Variants in SLC2A12 observed in about 807,000 individuals in gnomAD.
SLC2A12 encodes solute carrier family 2, facilitated glucose transporter member 12.
A neutral mutation model predicts 41.8 loss-of-function variants in SLC2A12; 23 were observed. The ratio of observed to expected loss-of-function variants is 0.55; its 90% CI spans 0.40 to 0.78. The LOEUF (loss-of-function observed/expected upper bound fraction) is 0.78, where lower values mean the gene tolerates loss of function less well. Ranked by LOEUF, SLC2A12 falls within the 30% of genes least tolerant of loss-of-function variation. The probability of loss-of-function intolerance (pLI) is 0.00; values close to 1 mark genes in which losing one functional copy is unlikely to be tolerated. For synonymous variants in SLC2A12, 295 were observed against 285.9 expected (o/e 1.03, Z -0.32); for missense variants, 654 against 745.6 (o/e 0.88, Z 1.43).
chr6:134,005,734 G>A (rs1464780281), intron 3 of SLC2A12, among the ~76,000 whole-genome samples: 5 of 136,076 alleles, frequency 3.7e-5, no homozygotes, highest in Admixed American at 7.6e-5. Flanking sequence ...AATTTGATGA[G>A]ATCCCTTTTG....
chr6:134,016,293 TA>T (rs2114450736), intron 2 of SLC2A12, among the ~76,000 whole-genome samples: 2 of 151,602 alleles, frequency 1.3e-5, no homozygotes, highest in South Asian at 4.2e-4. Flanking sequence ...AAAAAATAAA[TA>T]AATAAATAAA....
chr6:134,052,483 T>C lies in SLC2A12; in HGVS notation c.-3A>G. 6.2e-7 allele frequency: 1 copy of C among 1,612,376 alleles called. No homozygotes were observed. Among genetic ancestry groups the C allele is most frequent in the Non-Finnish European group, 8.5e-7 (1 of 1,179,614 alleles). ...TCGGTGTTTTCAACAGGTACCATGG[T>C]CACGTAGAAGTTACAGCCGCTTCCC... On this transcript the variant is annotated 5_prime_UTR_variant, in exon 1 of 5. Coordinates refer to ENST00000275230, the MANE Select transcript of SLC2A12 (RefSeq NM_145176.3).
chr6:134,004,329 T>C (rs979737330), intron 3 of SLC2A12, among the ~76,000 whole-genome samples: 18 of 152,332 alleles, frequency 1.2e-4, no homozygotes, highest in Admixed American at 1.0e-3. Context: ...AATCTTGAGC[T>C]ACTTCTCAAA....
At chr6:134,047,404 C>T (rs1250250588) in intron 1 of SLC2A12, among the ~76,000 whole-genome samples, 2 of 152,034 alleles carry the variant, frequency 1.3e-5, no homozygotes, top group Non-Finnish European at 2.9e-5. Flanking sequence ...CCTATGAAAC[C>T]GTGATTCTAA....
At chr6:134,040,058 G>GTTTTTTTTTTTTTTTTTTTTTTGTT (rs11371413) in intron 1 of SLC2A12, among the ~76,000 whole-genome samples, 1 of 139,332 alleles carries the variant, frequency 7.2e-6, no homozygotes, top group African/African-American at 2.7e-5. Flanking sequence ...GTTGTTTTTT[G>GTTTTTTTTTTTTTTTTTTTTTTGTT]TTTTTTTTTT....
chr6:134,025,167 C>T (rs545968938), intron 2 of SLC2A12, among the ~76,000 whole-genome samples: 22 of 152,260 alleles, frequency 1.4e-4, no homozygotes, highest in South Asian at 1.2e-3. Context: ...ATTCTTCCTC[C>T]TAGTGGACTT....
At position 134,010,673 on chromosome 6, in the gene SLC2A12, T is replaced by C. The variant is rs112973943; in HGVS notation, c.1445-3739A>G. ...GAGATGAAACTCATATTTCACATGGTATTAAATCATCAAGGCTGCCTATCA... is the reference window on the plus strand; with the variant it reads ...GAGATGAAACTCATATTTCACATGGCATTAAATCATCAAGGCTGCCTATCA... On this transcript the variant is annotated intron_variant, in intron 2 of 4. Transcript: ENST00000275230. Among the ~76,000 whole-genome samples the C allele has an allele frequency of 7.7e-3, 1,175 of 152,206 alleles. 9 individuals carry two copies. Among genetic ancestry groups the C allele is most frequent in the African/African-American group, 0.025 (1,055 of 41,500 alleles).
At chr6:134,048,151 C>T (rs997193779) in intron 1 of SLC2A12, among the ~76,000 whole-genome samples, 2 of 152,208 alleles carry the variant, frequency 1.3e-5, no homozygotes, top group African/African-American at 4.8e-5. Context: ...AGCCTCAAAT[C>T]TAGACTTTTG....
At chr6:134,020,367 C>A (rs1266713309) in intron 2 of SLC2A12, among the ~76,000 whole-genome samples, 1 of 152,150 alleles carries the variant, frequency 6.6e-6, no homozygotes, top group Non-Finnish European at 1.5e-5. Flanking sequence ...GCAATAAACT[C>A]TCTAAATACC....
intron 1 of SLC2A12, among the ~76,000 whole-genome samples, chr6:134,039,846 GC>G (rs1777356242): frequency 6.6e-6 from 1 of 151,842 alleles, no homozygotes; most frequent in Admixed American, 6.6e-5. Context: ...AAAGTGTGTG[GC>G]CCCTCTCCCT....
intron 1 of SLC2A12, among the ~76,000 whole-genome samples, chr6:134,048,382 A>C (rs925386230): frequency 6.6e-6 from 1 of 152,136 alleles, no homozygotes; most frequent in African/African-American, 2.4e-5. Context: ...GGATCACCTG[A>C]GGTTAGGAGT....
chr6:134,018,639 A>C (rs753216580), intron 2 of SLC2A12, among the ~76,000 whole-genome samples: 3 of 152,112 alleles, frequency 2.0e-5, no homozygotes, highest in Non-Finnish European at 4.4e-5. Context: ...TATCGGAAAT[A>C]ACCCTCCTCC....
At chr6:133,997,818 A>T (rs879737017) in intron 4 of SLC2A12, among the ~76,000 whole-genome samples, 1 of 152,192 alleles carries the variant, frequency 6.6e-6, no homozygotes, top group Non-Finnish European at 1.5e-5. Context: ...TGAAAAAAAA[A>T]TTCTGAAAGC....
At chr6:134,026,333 CT>C (rs1777111813) in intron 2 of SLC2A12, among the ~76,000 whole-genome samples, 1 of 152,122 alleles carries the variant, frequency 6.6e-6, no homozygotes, top group Non-Finnish European at 1.5e-5. Context: ...ATGAGCAAAG[CT>C]TATTGTACTT....
rs1776606911 is a variant in SLC2A12, at chr6:133,990,590, C to G, written c.*565G>C. The G allele has an allele frequency of 6.6e-6, 1 of 152,194 alleles. No homozygotes were observed. The highest frequency in any genetic ancestry group is 6.5e-5 in the Admixed American group (1 of 15,268). The allele number at this position is 152,194 out of a possible 1,614,324, so 9.4% of individuals were successfully genotyped here. ...TAGTTCATAAAATAAGCTCTATAATCTTTATACTTGTTGAATGTAACTAGG... is the reference window on the plus strand; with the variant it reads ...TAGTTCATAAAATAAGCTCTATAATGTTTATACTTGTTGAATGTAACTAGG... On this transcript the variant is annotated 3_prime_UTR_variant, in exon 5 of 5. Coordinates refer to ENST00000275230, the MANE Select transcript of SLC2A12 (RefSeq NM_145176.3).
intron 2 of SLC2A12, 26 bp from the exon 3 acceptor site, chr6:134,006,960 C>T (rs751807454): frequency 3.7e-6 from 6 of 1,612,974 alleles, no homozygotes; most frequent in Admixed American, 1.7e-5. Context: ...GAGTGGGTGG[C>T]GGACAGCACA....
At chr6:134,023,130 C>A (rs1160391545) in intron 2 of SLC2A12, among the ~76,000 whole-genome samples, 1 of 152,168 alleles carries the variant, frequency 6.6e-6, no homozygotes. Flanking sequence ...GCAACACCCC[C>A]GCTATTCCGT....
chr6:134,044,343 C>T (rs748461313), intron 1 of SLC2A12, among the ~76,000 whole-genome samples: 2 of 152,202 alleles, frequency 1.3e-5, no homozygotes, highest in Non-Finnish European at 2.9e-5. Flanking sequence ...TCCTACTATC[C>T]ACTCAGTATT....
chr6:134,039,467 TATAA>T (rs1777351089), intron 1 of SLC2A12, among the ~76,000 whole-genome samples: 1 of 152,258 alleles, frequency 6.6e-6, no homozygotes, highest in Non-Finnish European at 1.5e-5. Context: ...TTATGTTTCC[TATAA>T]ATAGAAATCT....
Sources: gnomAD v4.1 joint callset for allele counts (sites outside exome capture counted in the v4.1 genomes callset) on GRCh38, gnomAD v4.1.1 for gene constraint, MANE v1.5 for transcripts, NCBI Gene and HGNC (gene_info 2026-07-23, HGNC 2026-07-21) for gene names.